MYRIP: variants seen among roughly 807,000 people sequenced by gnomAD.
MYRIP encodes rab effector MyRIP.
A neutral mutation model predicts 98.0 loss-of-function variants in MYRIP; 49 were observed. The observed-to-expected ratio is 0.50, with a 90% confidence interval of 0.40 to 0.63. The LOEUF is 0.63. Ranked by LOEUF, MYRIP falls within the 30% of genes least tolerant of loss-of-function variation. The pLI is 0.00. For synonymous variants in MYRIP, 404 were observed against 409.5 expected (o/e 0.99, Z 0.16); for missense variants, 1,004 against 1,058.2 (o/e 0.95, Z 0.71).
chr3:39,981,939 C>A (rs367585205), intron 2 of MYRIP, among the ~76,000 whole-genome samples: 19 of 152,026 alleles, frequency 1.2e-4, no homozygotes, highest in Middle Eastern at 3.4e-3. Context: ...CACACACACA[C>A]ACAAAAAAAC....
intron 2 of MYRIP, among the ~76,000 whole-genome samples, chr3:40,018,271 A>G (rs1946913824): frequency 6.6e-6 from 1 of 152,140 alleles, no homozygotes; most frequent in South Asian, 2.1e-4. Context: ...TTGCTCTTTT[A>G]CCATCAGAAA....
At chr3:39,996,212 C>A (rs559341313) in intron 2 of MYRIP, among the ~76,000 whole-genome samples, 3 of 152,036 alleles carry the variant, frequency 2.0e-5, no homozygotes, top group Non-Finnish European at 4.4e-5. Context: ...TGGACTAAAT[C>A]CTCCAATTAA....
intron 16 of MYRIP, among the ~76,000 whole-genome samples, chr3:40,253,295 C>T (rs1239953901): frequency 6.6e-6 from 1 of 152,194 alleles, no homozygotes; most frequent in Non-Finnish European, 1.5e-5. Flanking sequence ...ATATGTTCAA[C>T]AGCCGCGGTA....
intron 3 of MYRIP, among the ~76,000 whole-genome samples, chr3:40,077,151 A>G (rs1948361977): frequency 6.6e-6 from 1 of 152,044 alleles, no homozygotes; most frequent in Non-Finnish European, 1.5e-5. Context: ...TGGCTTCAGG[A>G]GTGAAGCTGC....
chr3:39,947,801 A>ACT (rs1168252953), intron 2 of MYRIP, among the ~76,000 whole-genome samples: 1 of 151,848 alleles, frequency 6.6e-6, no homozygotes, highest in Non-Finnish European at 1.5e-5. Context: ...AAAAATAAAC[A>ACT]CTCTCAGACA....
chr3:39,848,036 C>A (rs1043094999), intron 1 of MYRIP, among the ~76,000 whole-genome samples: 13 of 152,186 alleles, frequency 8.5e-5, no homozygotes, highest in Admixed American at 2.0e-4. Context: ...GAGGGTACTG[C>A]AAAAGCTTCC....
In MYRIP at chr3:39,843,693, G is replaced by A. The variant is rs186330841; in HGVS notation, c.-31+33777G>A. On this transcript the variant is annotated intron_variant, in intron 1 of 16. Coordinates refer to ENST00000302541, the MANE Select transcript of MYRIP (RefSeq NM_015460.4). ...GATGGATAACAGTGCAAACAGGAGC[G>A]TTACAGGCAGAGATGGCATATCCTA... Among the ~76,000 whole-genome samples, 354 of 152,270 alleles carry A rather than the reference G, an allele frequency of 2.3e-3. 5 individuals carry two copies. The highest frequency in any genetic ancestry group is 1.7e-3 in the Non-Finnish European group (118 of 68,016).
chr3:40,034,107 A>T (rs1477458883), intron 2 of MYRIP, among the ~76,000 whole-genome samples: 1 of 152,070 alleles, frequency 6.6e-6, no homozygotes, highest in Non-Finnish European at 1.5e-5. Context: ...TAGACCTAAA[A>T]CCATAAAAAC....
At chr3:39,935,815 G>T (rs564857123) in intron 2 of MYRIP, among the ~76,000 whole-genome samples, 2 of 152,228 alleles carry the variant, frequency 1.3e-5, no homozygotes, top group Admixed American at 1.3e-4. Context: ...AGGAGCACTT[G>T]GGAGAGAAAT....
intron 1 of MYRIP, among the ~76,000 whole-genome samples, chr3:39,846,746 T>C (rs1374963042): frequency 6.6e-6 from 1 of 152,206 alleles, no homozygotes; most frequent in East Asian, 1.9e-4. Flanking sequence ...CAATACAATA[T>C]GCATATTTAT....
intron 2 of MYRIP, among the ~76,000 whole-genome samples, chr3:39,941,040 C>T (rs1184178556): frequency 6.6e-6 from 1 of 152,094 alleles, no homozygotes; most frequent in African/African-American, 2.4e-5. Flanking sequence ...AAATAAAATC[C>T]TGCCCCACAT....
intron 3 of MYRIP, among the ~76,000 whole-genome samples, chr3:40,137,583 A>T (rs1364327835): frequency 1.3e-5 from 2 of 152,238 alleles, no homozygotes; most frequent in Non-Finnish European, 2.9e-5. Flanking sequence ...CACAAGCAAA[A>T]AACAGAATTT....
At chr3:39,845,402 A>C (rs1400783258) in intron 1 of MYRIP, among the ~76,000 whole-genome samples, 1 of 152,076 alleles carries the variant, frequency 6.6e-6, no homozygotes, top group East Asian at 1.9e-4. Flanking sequence ...ATTTATATAC[A>C]TTTTATTTTC....
Position 39,922,112 on chromosome 3 carries a change from TTTTTG to T in MYRIP, c.110+21210_110+21214del, listed in dbSNP as rs771498660. Among the ~76,000 whole-genome samples, 14 of 151,966 alleles carry T rather than the reference TTTTTG, an allele frequency of 9.2e-5. No homozygotes were observed. The East Asian group carries it at 1.7e-3, about 19-fold the overall frequency. The stretch of plus-strand genomic sequence containing the variant: ...TGGCATGGTGTTGAGTTCTCTTAGG[TTTTTG>T]TTTTGTTTTGTTTTGTTTTGTTTGC... On this transcript the variant is annotated intron_variant, in intron 2 of 16. Transcript: ENST00000302541.
At chr3:39,848,582 A>C (rs954495315) in intron 1 of MYRIP, among the ~76,000 whole-genome samples, 2 of 152,254 alleles carry the variant, frequency 1.3e-5, no homozygotes, top group Non-Finnish European at 2.9e-5. Flanking sequence ...GAATATCTGC[A>C]TGACACATGT....
intron 2 of MYRIP, among the ~76,000 whole-genome samples, chr3:39,905,086 C>T (rs1943845181): frequency 6.6e-6 from 1 of 152,200 alleles, no homozygotes; most frequent in South Asian, 2.1e-4. Context: ...ACGCCTGCTC[C>T]TACCTCCAGG....
chr3:39,827,648 C>T (rs938269761), intron 1 of MYRIP, among the ~76,000 whole-genome samples: 1 of 151,862 alleles, frequency 6.6e-6, no homozygotes, highest in Non-Finnish European at 1.5e-5. Context: ...TTGTGCATTG[C>T]CTTTACCAGT....
intron 6 of MYRIP, 99 bp from the exon 7 acceptor site, chr3:40,167,060 C>G: frequency 1.5e-6 from 2 of 1,374,466 alleles, no homozygotes; most frequent in African/African-American, 2.8e-5. Context: ...TAGAGCAAGG[C>G]CCTCCCTCTG....
chr3:40,001,437 G>C (rs1946517720), intron 2 of MYRIP, among the ~76,000 whole-genome samples: 1 of 152,168 alleles, frequency 6.6e-6, no homozygotes, highest in African/African-American at 2.4e-5. Flanking sequence ...TCCCTCACTG[G>C]TAAGTACAGC....
Sources: allele counts gnomAD v4.1 joint callset (sites outside exome capture counted in the v4.1 genomes callset), GRCh38; gene constraint gnomAD v4.1.1; transcripts MANE v1.5; gene names NCBI Gene and HGNC (gene_info 2026-07-23, HGNC 2026-07-21).